Variants in M1AP observed in about 807,000 individuals in gnomAD.
M1AP encodes meiosis 1 associated protein, also known as meiosis 1 arrest protein.
Under a neutral mutation model 51.2 loss-of-function variants are expected in M1AP, and 39 were observed. The observed-to-expected ratio is 0.76, with a 90% CI of 0.59 to 1.00. The LOEUF is 1.00. M1AP is among the 50% of genes least tolerant of loss of function. The pLI, the probability that M1AP is intolerant of heterozygous loss-of-function variation, is 0.00. For missense variants in M1AP, 545 were observed against 641.2 expected (o/e 0.85, Z 1.62); for synonymous variants, 251 against 249.2 (o/e 1.01, Z -0.07).
intron 2 of M1AP, among the ~76,000 whole-genome samples, chr2:74,617,240 A>C (rs772551519): frequency 6.6e-6 from 1 of 152,218 alleles, no homozygotes; most frequent in Non-Finnish European, 1.5e-5. Context: ...AGAATGATTC[A>C]AAATAGCTGG....
chr2:74,571,593 T>G (rs1239923394), intron 7 of M1AP, among the ~76,000 whole-genome samples: 1 of 152,232 alleles, frequency 6.6e-6, no homozygotes, highest in Non-Finnish European at 1.5e-5. Flanking sequence ...TGTGTTGAAT[T>G]AATGAGCTGA....
intron 2 of M1AP, among the ~76,000 whole-genome samples, chr2:74,627,166 C>G (rs1034603970): frequency 8.6e-5 from 13 of 152,046 alleles, no homozygotes; most frequent in African/African-American, 1.2e-4. Flanking sequence ...ATATTTATGA[C>G]ATATAACATT....
intron 1 of M1AP, among the ~76,000 whole-genome samples, chr2:74,640,695 A>G (rs1683248845): frequency 1.3e-5 from 2 of 151,756 alleles, no homozygotes; most frequent in Admixed American, 1.3e-4. Flanking sequence ...TGACCTCACG[A>G]TCCGCCCGCC....
chr2:74,561,915 G>A, intron 8 of M1AP: 1 of 985,306 alleles, frequency 1.0e-6, no homozygotes, highest in African/African-American at 1.7e-5. Context: ...CATGTCGTGT[G>A]TCCTCCAGGA....
chr2:74,616,897 A>G (rs1277299772), intron 2 of M1AP, among the ~76,000 whole-genome samples: 2 of 152,230 alleles, frequency 1.3e-5, no homozygotes, highest in Non-Finnish European at 2.9e-5. Context: ...TACTGATCGA[A>G]TGACACAACA....
chr2:74,570,669 T>C (rs1015359544), intron 7 of M1AP, among the ~76,000 whole-genome samples: 1 of 152,208 alleles, frequency 6.6e-6, no homozygotes, highest in African/African-American at 2.4e-5. Context: ...AAGGTCAACA[T>C]GAGCAAAGGC....
chr2:74,578,695 C>T (rs1156910049), intron 5 of M1AP, among the ~76,000 whole-genome samples: 2 of 152,112 alleles, frequency 1.3e-5, no homozygotes, highest in Non-Finnish European at 1.5e-5. Flanking sequence ...GTCAGAGGAA[C>T]GCCTTTCTAA....
chr2:74,561,199 A>AGGAGGAGGAGGAGG (rs1677957540), intron 8 of M1AP, among the ~76,000 whole-genome samples: 1 of 34,918 alleles, frequency 2.9e-5, no homozygotes, highest in Non-Finnish European at 8.5e-5. Context: ...GGAGGAGGAG[A>AGGAGGAGGAGGAGG]AGGAGGAGGA....
Position 74,607,299 on chromosome 2 carries a change from G to GA in M1AP, c.427-77dup, listed in dbSNP as rs577125249. On this transcript the variant is annotated intron_variant, in intron 3 of 10. Coordinates refer to ENST00000421985, the MANE Select transcript of M1AP (RefSeq NM_001321739.2). ...TGAGGAACATAACAGTTCCTACCCG[G>GA]AGGATAAATACAGCATAAGTCTGTG... 1.3e-5 allele frequency: 19 copies of GA among 1,437,368 alleles called. No individual in the cohort carries two copies. The East Asian group carries it at 4.3e-4, about 33-fold the overall frequency. 89.0% of individuals were successfully genotyped at this position (1,437,368 alleles called of 1,614,324 possible).
chr2:74,601,486 T>A (rs932079671), intron 4 of M1AP, among the ~76,000 whole-genome samples: 4 of 152,166 alleles, frequency 2.6e-5, no homozygotes, highest in African/African-American at 9.6e-5. Flanking sequence ...CTCTGGAGGC[T>A]GGAATTTGGG....
At chr2:74,602,226 T>C (rs1369858121) in intron 4 of M1AP, among the ~76,000 whole-genome samples, 2 of 152,170 alleles carry the variant, frequency 1.3e-5, no homozygotes, top group African/African-American at 2.4e-5. Flanking sequence ...CAATCATTCA[T>C]TTGTTTTGTC....
intron 4 of M1AP, among the ~76,000 whole-genome samples, chr2:74,593,262 A>G (rs949784895): frequency 6.6e-6 from 1 of 152,264 alleles, no homozygotes; most frequent in Non-Finnish European, 1.5e-5. Context: ...GGAGGTAAAA[A>G]GAAAGAACCA....
intron 2 of M1AP, among the ~76,000 whole-genome samples, chr2:74,638,870 A>G (rs1440215665): frequency 1.3e-5 from 2 of 152,220 alleles, no homozygotes; most frequent in African/African-American, 4.8e-5. Flanking sequence ...ATTTTGGGAT[A>G]ATTTGTTACA....
In M1AP at chr2:74,570,007, T is replaced by C. The variant is rs1678632413; in HGVS notation, c.1074+5431A>G. Among the ~76,000 whole-genome samples, 3 of 152,082 alleles carry C rather than the reference T, an allele frequency of 2.0e-5. No individual in the cohort carries two copies. The South Asian group carries it at 6.2e-4, about 32-fold the overall frequency. ...GAAGAAAATTTGAGAAATGTCATTATGGGTTATGAACTAGATCCTTTTTGG... is the reference window on the plus strand; with the variant it reads ...GAAGAAAATTTGAGAAATGTCATTACGGGTTATGAACTAGATCCTTTTTGG... On this transcript the variant is annotated intron_variant, in intron 7 of 10. Coordinates refer to ENST00000421985, the MANE Select transcript of M1AP (RefSeq NM_001321739.2).
intron 7 of M1AP, among the ~76,000 whole-genome samples, chr2:74,572,364 C>T (rs112761206): frequency 1.5e-4 from 23 of 152,152 alleles, no homozygotes; most frequent in Non-Finnish European, 2.5e-4. Context: ...CTCCCTCTGT[C>T]GCCCAGAGTG....
At position 74,640,375 on chromosome 2, in the gene M1AP, G is replaced by A. The variant is rs528517050; in HGVS notation, c.-52-48C>T. Reference sequence around the variant, plus strand: ...CACTGGTTTTCAAACTGAATTATGTGTGCTCTGTTGAAATATAAAATACAA... The same window carrying A: ...CACTGGTTTTCAAACTGAATTATGTATGCTCTGTTGAAATATAAAATACAA... On this transcript the variant is annotated intron_variant, in intron 1 of 10. Transcript: ENST00000421985. The A allele has an allele frequency of 9.1e-6, 13 of 1,436,342 alleles. No individual in the cohort carries two copies. The East Asian group carries it at 3.0e-4, about 33-fold the overall frequency. 89.0% of individuals were successfully genotyped at this position (1,436,342 alleles called of 1,614,324 possible).
chr2:74,577,375 T>G (rs1573084806), intron 5 of M1AP, among the ~76,000 whole-genome samples: 2 of 152,338 alleles, frequency 1.3e-5, no homozygotes, highest in East Asian at 3.9e-4. Context: ...CCATAGTGTA[T>G]GATGATCTGT....
chr2:74,628,832 G>A (rs565176737), intron 2 of M1AP: 8 of 457,676 alleles, frequency 1.7e-5, no homozygotes, highest in South Asian at 9.2e-5. Context: ...AGTGGAAAAC[G>A]ATACCACTGA....
intron 1 of M1AP, among the ~76,000 whole-genome samples, chr2:74,644,977 G>A (rs774765563): frequency 1.9e-4 from 29 of 152,186 alleles, no homozygotes; most frequent in Middle Eastern, 3.4e-3. Flanking sequence ...AGGACAACCT[G>A]CTCAGGTCCC....
Sources: allele counts gnomAD v4.1 joint callset (sites outside exome capture counted in the v4.1 genomes callset), GRCh38; gene constraint gnomAD v4.1.1; transcripts MANE v1.5; gene names NCBI Gene and HGNC (gene_info 2026-07-23, HGNC 2026-07-21).